SBNO2: variants seen among roughly 807,000 people sequenced by gnomAD.
The protein encoded by SBNO2 is protein strawberry notch homolog 2.
Under a neutral mutation model 146.3 loss-of-function variants are expected in SBNO2, and 89 were observed. The observed-to-expected ratio is 0.61, with a 90% CI of 0.51 to 0.73. The LOEUF (loss-of-function observed/expected upper bound fraction) is 0.73. Ranked by LOEUF, SBNO2 falls within the 30% of genes least tolerant of loss-of-function variation. SBNO2 has a pLI of 0.00. For missense variants in SBNO2, 2,092 were observed against 2,003.7 expected (o/e 1.04, Z -0.84); for synonymous variants, 1,147 against 892.6 (o/e 1.29, Z -5.08).
chr19:1,119,777 G>A, intron 12 of SBNO2, 129 bp downstream of exon 12: 1 of 941,338 alleles, frequency 1.1e-6, no homozygotes, highest in Non-Finnish European at 1.6e-6. Flanking sequence ...GCGCAGAGGT[G>A]CCCCAGTGTC....
intron 1 of SBNO2, among the ~76,000 whole-genome samples, chr19:1,167,119 G>A (rs1309914906): frequency 2.6e-5 from 4 of 152,254 alleles, no homozygotes; most frequent in Non-Finnish European, 5.9e-5. Context: ...CTCCAAGACC[G>A]CTTAGAGCGA....
intron 1 of SBNO2, among the ~76,000 whole-genome samples, chr19:1,156,444 G>A (rs998248117): frequency 6.6e-6 from 1 of 152,116 alleles, no homozygotes; most frequent in Non-Finnish European, 1.5e-5. Context: ...GGAGGCGGAG[G>A]CGGATCCTCA....
chr19:1,149,289 T>G (rs970365189), intron 3 of SBNO2, 80 bp downstream of exon 3: 3 of 1,362,418 alleles, frequency 2.2e-6, no homozygotes, highest in Non-Finnish European at 3.1e-6. Context: ...CCTCGCGCCC[T>G]GCACCCAGAA....
rs201120741 is a variant in SBNO2, at chr19:1,158,321, C to T, written c.-126-3919G>A. Among the ~76,000 whole-genome samples, 4 of 152,170 alleles carry T rather than the reference C, an allele frequency of 2.6e-5. No homozygotes were observed. Among genetic ancestry groups the T allele is most frequent in the East Asian group, 3.8e-4 (2 of 5,196 alleles). On this transcript the variant is annotated intron_variant, in intron 1 of 31. Coordinates refer to ENST00000361757, the MANE Select transcript of SBNO2 (RefSeq NM_014963.3). The surrounding 1 kb of genome is among the most constrained non-coding windows in gnomAD (Gnocchi z 9.9). The stretch of plus-strand genomic sequence containing the variant: ...CCCGGTTCTCCTGCCGTCCTCTCGC[C>T]GAGCAGGGTTGTGACCCCCGCACTT...
rs369182197 is a variant in SBNO2, at chr19:1,149,548, G to A, written c.94-106C>T. The A allele has an allele frequency of 7.5e-5, 78 of 1,036,012 alleles. 1 individual carries two copies. Among genetic ancestry groups the A allele is most frequent in the African/African-American group, 7.4e-4 (47 of 63,148 alleles). 64.2% of individuals were successfully genotyped at this position (1,036,012 alleles called of 1,614,324 possible). ...CAGGCCGAGAGGCTAGGGAGGCCCC[G>A]CAGTCAGGGTCCCATCCCGCCCCTG... On this transcript the variant is annotated intron_variant, in intron 2 of 31. Coordinates refer to ENST00000361757, the MANE Select transcript of SBNO2 (RefSeq NM_014963.3).
chr19:1,118,314 G>A (rs1277490586), intron 14 of SBNO2, among the ~76,000 whole-genome samples: 1 of 152,052 alleles, frequency 6.6e-6, no homozygotes, highest in Non-Finnish European at 1.5e-5. Flanking sequence ...CTCCAGCCTG[G>A]GCAACAAGAG....
At chr19:1,156,370 G>A (rs1224430416) in intron 1 of SBNO2, among the ~76,000 whole-genome samples, 1 of 152,136 alleles carries the variant, frequency 6.6e-6, no homozygotes, top group African/African-American at 2.4e-5. Flanking sequence ...AGGGGATGGG[G>A]GCAGGAGAAC....
At position 1,119,890 on chromosome 19, in the gene SBNO2, A is replaced by C. The variant is rs2079879581; in HGVS notation, c.1267+16T>G. On this transcript the variant is annotated intron_variant, in intron 12 of 31. Coordinates refer to ENST00000361757, the MANE Select transcript of SBNO2 (RefSeq NM_014963.3). ...CGCTGCTGCGGGTGGGTCACGTGGG[A>C]TCCGCACCGCCCCACCTGTGGCGCT... 2.0e-6 allele frequency: 3 copies of C among 1,531,892 alleles called. No individual in the cohort carries two copies. Among genetic ancestry groups the C allele is most frequent in the Non-Finnish European group, 8.8e-7 (1 of 1,136,362 alleles). 94.9% of individuals were successfully genotyped at this position (1,531,892 alleles called of 1,614,324 possible). A position where few individuals can be genotyped will look rare whatever the true frequency, so the allele number is the denominator to read the frequency against.
intron 1 of SBNO2, among the ~76,000 whole-genome samples, chr19:1,161,731 C>T (rs1262643141): frequency 1.3e-5 from 2 of 152,040 alleles, no homozygotes; most frequent in African/African-American, 4.8e-5. Context: ...GTTCTCAAGT[C>T]TGCTGCCAAG....
intron 11 of SBNO2, 107 bp downstream of exon 11, chr19:1,122,032 C>A: frequency 1.6e-6 from 1 of 643,412 alleles, no homozygotes; most frequent in Non-Finnish European, 2.1e-6. Flanking sequence ...TCCCATCCTG[C>A]CCTCCTCTCC....
chr19:1,154,154 G>T, intron 2 of SBNO2, 30 bp downstream of exon 2: 1 of 1,114,406 alleles, frequency 9.0e-7, no homozygotes, highest in Non-Finnish European at 1.1e-6. Flanking sequence ...GGACCCCGTC[G>T]GGTGGGCCGG....
chr19:1,141,812 A>G (rs2080140015), intron 4 of SBNO2, among the ~76,000 whole-genome samples: 1 of 151,626 alleles, frequency 6.6e-6, no homozygotes, highest in African/African-American at 2.4e-5. Context: ...TTATACAGAT[A>G]GGGTCTCACT....
At chr19:1,119,217 C>T (rs2079869449) in intron 13 of SBNO2, 53 bp from the exon 14 acceptor site, 2 of 1,546,484 alleles carry the variant, frequency 1.3e-6, no homozygotes, top group South Asian at 2.3e-5. Flanking sequence ...GGGGATGGAG[C>T]CACTCGGAGC....
chr19:1,137,163 GC>G (rs1376420506), intron 4 of SBNO2, among the ~76,000 whole-genome samples: 2 of 144,494 alleles, frequency 1.4e-5, no homozygotes, highest in Admixed American at 1.4e-4. Context: ...AGGGGCACAG[GC>G]TGGGGAGAGG....
chr19:1,162,649 G>T (rs2080360464), intron 1 of SBNO2, among the ~76,000 whole-genome samples: 8 of 152,132 alleles, frequency 5.3e-5, no homozygotes, highest in Admixed American at 5.2e-4. Context: ...AGCTTTGTGA[G>T]GTGGAGCCCA....
intron 1 of SBNO2, among the ~76,000 whole-genome samples, chr19:1,163,429 G>C (rs1485916416): frequency 1.3e-5 from 2 of 152,184 alleles, no homozygotes; most frequent in Non-Finnish European, 2.9e-5. Context: ...CCAGGACAGG[G>C]ACAGGCTGCT....
intron 4 of SBNO2, among the ~76,000 whole-genome samples, chr19:1,141,626 G>A (rs532064766): frequency 6.6e-6 from 1 of 151,798 alleles, no homozygotes; most frequent in East Asian, 1.9e-4. Context: ...CGTCCATCAC[G>A]GACAAACACA....
chr19:1,149,566 C>T (rs1393494133), intron 2 of SBNO2, 124 bp from the exon 3 acceptor site: 15 of 832,780 alleles, frequency 1.8e-5, no homozygotes, highest in Non-Finnish European at 2.5e-5. Context: ...GGTCCCATCC[C>T]GCCCCTGCTG....
Position 1,109,240 on chromosome 19 carries a change from G to C in SBNO2, c.3349-29C>G, listed in dbSNP as rs1243478232. The C allele has an allele frequency of 5.1e-6, 8 of 1,572,394 alleles. No homozygotes were observed. The highest frequency in any genetic ancestry group is 6.9e-6 in the Non-Finnish European group (8 of 1,159,640). ...GGGACACAGGGCCGCATGAGCCTGG[G>C]CGGGGTCAGGGCCGGCAACCCGAGC... is the stretch of plus-strand genomic sequence containing the variant. On this transcript the variant is annotated intron_variant, in intron 29 of 31. Transcript: ENST00000361757. This position sits in a 1 kb window ranked among gnomAD's most constrained non-coding sequence, Gnocchi z 4.2.
Sources: gnomAD v4.1 joint callset for allele counts (sites outside exome capture counted in the v4.1 genomes callset) on GRCh38, gnomAD v4.1.1 for gene constraint, Gnocchi (gnomAD v3.1) non-coding constraint, MANE v1.5 for transcripts, NCBI Gene and HGNC (gene_info 2026-07-23, HGNC 2026-07-21) for gene names.